The following IFNAR1 variants were observed in gnomAD, a reference collection of about 807,000 sequenced individuals.
IFNAR1 encodes the protein interferon alpha and beta receptor subunit 1.
Under a neutral mutation model 62.1 loss-of-function variants are expected in IFNAR1, and 47 were observed. That is an observed-to-expected ratio of 0.76 (90% CI 0.60 to 0.97). The LOEUF (loss-of-function observed/expected upper bound fraction) is 0.97. IFNAR1 is among the 50% of genes least tolerant of loss of function. The pLI is 0.00. For synonymous variants in IFNAR1, 219 were observed against 226.9 expected, an observed-to-expected ratio of 0.97 and a Z score of 0.31; for missense variants, 638 against 654.5, an observed-to-expected ratio of 0.97 and a Z score of 0.27.
At chr21:33,334,087 G>T (rs533406306) in intron 1 of IFNAR1, among the ~76,000 whole-genome samples, 3 of 152,106 alleles carry the variant, frequency 2.0e-5, no homozygotes, top group African/African-American at 4.8e-5. Flanking sequence ...GACAAAGAAG[G>T]TTATTATATA....
rs1601039499 is a variant in IFNAR1 at position 33,357,475 on chromosome 21, A to C, written c.*1926A>C. The C allele has an allele frequency of 1.4e-5, 2 of 147,664 alleles. No homozygotes were observed. Among genetic ancestry groups the C allele is most frequent in the Non-Finnish European group, 3.0e-5 (2 of 67,174 alleles). 9.1% of individuals were successfully genotyped at this position (147,664 alleles called of 1,614,324 possible). A position where few individuals can be genotyped will look rare whatever the true frequency, so the allele number is the denominator to read the frequency against. On this transcript the variant is annotated 3_prime_UTR_variant, in exon 11 of 11. Transcript: ENST00000270139. Reference sequence around the variant, plus strand: ...ACCCAGGAATCTCATCTGAGAACCCACTCTCTGCCGGAGAACCCCATGGTG... The same window carrying C: ...ACCCAGGAATCTCATCTGAGAACCCCCTCTCTGCCGGAGAACCCCATGGTG...
chr21:33,350,398 G>A (rs936483006), intron 8 of IFNAR1, among the ~76,000 whole-genome samples: 1 of 152,028 alleles, frequency 6.6e-6, no homozygotes, highest in African/African-American at 2.4e-5. Flanking sequence ...AAAACCATTG[G>A]AAAGCATTCT....
At chr21:33,325,258 C>A in intron 1 of IFNAR1, 127 bp downstream of exon 1, 1 of 824,214 alleles carries the variant, frequency 1.2e-6, no homozygotes, top group Non-Finnish European at 2.0e-6. Context: ...CACTTTGCCG[C>A]GCCAAAGATT....
intron 8 of IFNAR1, among the ~76,000 whole-genome samples, chr21:33,351,315 G>C (rs2083394937): frequency 6.6e-6 from 1 of 152,068 alleles, no homozygotes; most frequent in African/African-American, 2.4e-5. Context: ...GTGCTTGCAG[G>C]GTTTGGCTTG....
intron 1 of IFNAR1, 88 bp downstream of exon 1, chr21:33,325,219 C>A: frequency 8.8e-7 from 1 of 1,130,520 alleles, no homozygotes; most frequent in Non-Finnish European, 1.3e-6. Context: ...TTGGGGGCGA[C>A]AGACGCCCAG....
chr21:33,351,550 T>TA (rs201544311), intron 8 of IFNAR1, among the ~76,000 whole-genome samples: 14 of 149,696 alleles, frequency 9.4e-5, no homozygotes, highest in African/African-American at 3.2e-4. Context: ...TTATTTTATT[T>TA]TATTTTTTTT....
At chr21:33,330,094 A>G (rs2123656154) in intron 1 of IFNAR1, among the ~76,000 whole-genome samples, 1 of 152,230 alleles carries the variant, frequency 6.6e-6, no homozygotes, top group South Asian at 2.1e-4. Context: ...CCCATCTTCC[A>G]CCTCTCAACC....
In IFNAR1 at chr21:33,357,530, G is replaced by GTTTTTTT. The variant is rs36125058; in HGVS notation, c.*1990_*1996dup. ...ATTTTCATCTTTCTGACCAGAGGCT[G>GTTTTTTT]TTTTTTTTTTTTTTTGAGACAGTCT... is the stretch of plus-strand genomic sequence containing the variant. On this transcript the variant is annotated 3_prime_UTR_variant, in exon 11 of 11. Transcript: ENST00000270139. 2 of 139,670 alleles carry GTTTTTTT rather than the reference G, an allele frequency of 1.4e-5. No individual in the cohort carries two copies. Among genetic ancestry groups the GTTTTTTT allele is most frequent in the African/African-American group, 5.4e-5 (2 of 37,238 alleles). 8.7% of individuals were successfully genotyped at this position (139,670 alleles called of 1,614,324 possible). A position where few individuals can be genotyped will look rare whatever the true frequency, so the allele number is the denominator to read the frequency against.
intron 3 of IFNAR1, among the ~76,000 whole-genome samples, chr21:33,342,627 G>A (rs565953767): frequency 6.8e-4 from 102 of 150,276 alleles, no homozygotes; most frequent in Middle Eastern, 3.4e-3. Context: ...GGCAGATCAC[G>A]AGGTCAGGAG....
chr21:33,343,881 C>T (rs559585254), intron 5 of IFNAR1, among the ~76,000 whole-genome samples: 2 of 152,320 alleles, frequency 1.3e-5, no homozygotes, highest in South Asian at 2.1e-4. Flanking sequence ...TCAGGCTGGG[C>T]GTAGTGGCCC....
rs377107502 is a variant in IFNAR1, at chr21:33,347,572, C to T, written c.789-1519C>T. On this transcript the variant is annotated intron_variant, in intron 6 of 10. Transcript: ENST00000270139. ...ATGAGCCACCATGCCTGGCCTAGAT[C>T]CTCTTTTAAGGGGTTCATCTGATTA... 2.6e-5 allele frequency among the ~76,000 whole-genome samples: 4 copies of T among 152,178 alleles called. No individual in the cohort carries two copies. The East Asian group carries it at 7.7e-4, about 29-fold the overall frequency.
chr21:33,354,170 C>G (rs772718109), intron 10 of IFNAR1, among the ~76,000 whole-genome samples: 9 of 152,170 alleles, frequency 5.9e-5, no homozygotes, highest in Non-Finnish European at 1.3e-4. Flanking sequence ...TGGAGAAACC[C>G]TGTCTCTACT....
intron 6 of IFNAR1, among the ~76,000 whole-genome samples, chr21:33,347,955 T>A (rs1308395710): frequency 6.6e-6 from 1 of 152,124 alleles, no homozygotes; most frequent in Non-Finnish European, 1.5e-5. Context: ...GGGGATTTTG[T>A]GTTGGGGTGA....
At position 33,341,130 on chromosome 21, in the gene IFNAR1, C is replaced by T; in HGVS notation, c.332C>T (p.Thr111Ile). 6.2e-7 allele frequency: 1 copy of T among 1,613,396 alleles called. No individual in the cohort carries two copies. The highest frequency in any genetic ancestry group is 2.2e-5 in the East Asian group (1 of 44,780). Residue 111 changes from threonine to isoleucine, a missense_variant, in exon 3 of 11, where the codon ACT becomes ATT. Coordinates refer to ENST00000270139, the MANE Select transcript of IFNAR1 (RefSeq NM_000629.3). Reference protein sequence around the residue: ...KLRIRAEKENTSSWYEVDSFT... With the variant: ...KLRIRAEKENISSWYEVDSFT... ...CGTATAAGAGCAGAAAAAGAAAACA[C>T]TTCTTCATGGTATGAGGTTGACTCA...
rs2083317121 is a variant in IFNAR1 at position 33,343,681 on chromosome 21, G to A, written c.673+5G>A. The A allele has an allele frequency of 6.4e-7, 1 of 1,569,512 alleles. No individual in the cohort carries two copies. Among genetic ancestry groups the A allele is most frequent in the Non-Finnish European group, 8.6e-7 (1 of 1,160,632 alleles). ...TACATTGTATAAAGACCACAGGTAA[G>A]GAAGATGTTTTGTTTTAGATTCAAT... On this transcript the variant is annotated splice_donor_5th_base_variant and intron_variant, in intron 5 of 10. Coordinates refer to ENST00000270139, the MANE Select transcript of IFNAR1 (RefSeq NM_000629.3).
chr21:33,334,464 C>A, intron 1 of IFNAR1: 2 of 321,956 alleles, frequency 6.2e-6, no homozygotes, highest in Non-Finnish European at 6.1e-6. Context: ...AACTCAAAAC[C>A]CTGTATATGG....
intron 8 of IFNAR1, among the ~76,000 whole-genome samples, chr21:33,352,546 T>C (rs1273006242): frequency 6.6e-6 from 1 of 152,070 alleles, no homozygotes; most frequent in African/African-American, 2.4e-5. Flanking sequence ...GAGATTGCAG[T>C]GAGCCCAGAT....
chr21:33,354,482 A>T (rs1225782569), intron 10 of IFNAR1, among the ~76,000 whole-genome samples: 1 of 152,248 alleles, frequency 6.6e-6, no homozygotes, highest in Non-Finnish European at 1.5e-5. Context: ...AGAAGACTAA[A>T]ATATTCTATC....
At chr21:33,333,748 T>C (rs894030433) in intron 1 of IFNAR1, among the ~76,000 whole-genome samples, 2 of 151,524 alleles carry the variant, frequency 1.3e-5, no homozygotes, top group South Asian at 2.1e-4. Flanking sequence ...CTCAGCCTCC[T>C]GAGTAGCTGG....
Sources: gnomAD v4.1 joint callset for allele counts (sites outside exome capture counted in the v4.1 genomes callset) on GRCh38, gnomAD v4.1.1 for gene constraint, MANE v1.5 for transcripts, NCBI Gene and HGNC (gene_info 2026-07-23, HGNC 2026-07-21) for gene names.